The following KSR2 variants were observed in gnomAD, a reference collection of about 807,000 sequenced individuals.
The protein encoded by KSR2 is kinase suppressor of ras 2.
KSR2 carries 25 observed loss-of-function variants against 107.8 expected under a neutral mutation model. The ratio of observed to expected loss-of-function variants is 0.23; its 90% confidence interval spans 0.17 to 0.32. The LOEUF is 0.32. Among genes scored for constraint, KSR2 ranks in the 10% least tolerant of loss-of-function variants. The pLI is 1.00. For missense variants in KSR2, 887 were observed against 1,268.9 expected, an observed-to-expected ratio of 0.70 and a Z score of 4.57; for synonymous variants, 480 against 507.0, an observed-to-expected ratio of 0.95 and a Z score of 0.71.
At chr12:117,650,134 G>T (rs1261114877) in intron 5 of KSR2, among the ~76,000 whole-genome samples, 13 of 152,204 alleles carry the variant, frequency 8.5e-5, no homozygotes. Context: ...GGGGAAAGCA[G>T]ATCCACCCTT....
At chr12:117,821,783 C>T (rs564162643) in intron 3 of KSR2, among the ~76,000 whole-genome samples, 1 of 152,234 alleles carries the variant, frequency 6.6e-6, no homozygotes, top group East Asian at 1.9e-4. Context: ...AGGGACATAG[C>T]GCTGAACAAA....
intron 5 of KSR2, among the ~76,000 whole-genome samples, chr12:117,632,285 C>T (rs1333352151): frequency 7.9e-6 from 1 of 126,490 alleles, no homozygotes; most frequent in Admixed American, 1.0e-4. Context: ...AGTGCAGTGG[C>T]GCAATCTTGG....
intron 9 of KSR2, 108 bp downstream of exon 9, chr12:117,555,061 C>A (rs986956500): frequency 7.4e-7 from 1 of 1,351,720 alleles, no homozygotes; most frequent in African/African-American, 1.4e-5. Context: ...GGAGCCGAGA[C>A]GGGCTAGGAG....
At chr12:117,536,274 A>G (rs1876048450) in intron 10 of KSR2, among the ~76,000 whole-genome samples, 1 of 152,214 alleles carries the variant, frequency 6.6e-6, no homozygotes. Context: ...TTTCATCAAC[A>G]GAAGCTCCCA....
intron 3 of KSR2, among the ~76,000 whole-genome samples, chr12:117,844,950 T>C (rs563404373): frequency 6.6e-6 from 1 of 152,198 alleles, no homozygotes; most frequent in South Asian, 2.1e-4. Context: ...ATCGAGACCA[T>C]CCTGGTGAAC....
chr12:117,538,532 A>T (rs1876215379), intron 10 of KSR2, among the ~76,000 whole-genome samples: 1 of 152,070 alleles, frequency 6.6e-6, no homozygotes, highest in Non-Finnish European at 1.5e-5. Flanking sequence ...AACTGTGGCC[A>T]AGGACCTGGG....
intron 4 of KSR2, among the ~76,000 whole-genome samples, chr12:117,694,534 C>G (rs1885968511): frequency 6.6e-6 from 1 of 152,122 alleles, no homozygotes; most frequent in Admixed American, 6.5e-5. Context: ...ACTGATACCC[C>G]ATATGATCCA....
chr12:117,642,847 G>A (rs1004326008), intron 5 of KSR2, among the ~76,000 whole-genome samples: 1 of 152,144 alleles, frequency 6.6e-6, no homozygotes, highest in Non-Finnish European at 1.5e-5. Flanking sequence ...GTTTTAAGGA[G>A]GAGGTGTCTC....
chr12:117,894,117 G>A (rs1268983097), intron 1 of KSR2, among the ~76,000 whole-genome samples: 1 of 152,072 alleles, frequency 6.6e-6, no homozygotes, highest in Non-Finnish European at 1.5e-5. Flanking sequence ...CACCGTGTTA[G>A]CAAGGATGGT....
intron 1 of KSR2, among the ~76,000 whole-genome samples, chr12:117,898,995 T>A (rs1894599682): frequency 6.6e-6 from 1 of 152,218 alleles, no homozygotes; most frequent in Non-Finnish European, 1.5e-5. Context: ...CTCTTTAGAC[T>A]GTTTATTTAA....
intron 5 of KSR2, among the ~76,000 whole-genome samples, chr12:117,632,486 A>C (rs1882856482): frequency 6.6e-6 from 1 of 152,028 alleles, no homozygotes; most frequent in African/African-American, 2.4e-5. Context: ...TCGGCCTCCC[A>C]AAGTGCTGGG....
intron 9 of KSR2, among the ~76,000 whole-genome samples, chr12:117,553,578 C>A (rs1877456428): frequency 6.6e-6 from 1 of 152,106 alleles, no homozygotes; most frequent in Admixed American, 6.5e-5. Context: ...TCAGTGCCCT[C>A]CCGATCCTTG....
At chr12:117,586,870 A>G (rs1880032649) in intron 5 of KSR2, among the ~76,000 whole-genome samples, 1 of 152,234 alleles carries the variant, frequency 6.6e-6, no homozygotes, top group African/African-American at 2.4e-5. Context: ...ATGCCAGAAC[A>G]GGGATTTTTA....
At chr12:117,906,225 C>A (rs1460758131) in intron 1 of KSR2, among the ~76,000 whole-genome samples, 1 of 151,860 alleles carries the variant, frequency 6.6e-6, no homozygotes, top group Non-Finnish European at 1.5e-5. Flanking sequence ...TGGTGGTGGG[C>A]ACCTGTAATC....
rs563040939 is a variant in KSR2 at position 117,487,431 on chromosome 12, A to G, written c.2220-1740T>C. 7.9e-5 allele frequency among the ~76,000 whole-genome samples: 12 copies of G among 152,332 alleles called. No homozygotes were observed. The South Asian group carries it at 2.5e-3, about 32-fold the overall frequency. Reference sequence around the variant, plus strand: ...GGAGGTCACCCAGCCAGTTGGCAGGAGGCAGCCCAGAATGAGTCAGGGCTG... The same window carrying G: ...GGAGGTCACCCAGCCAGTTGGCAGGGGGCAGCCCAGAATGAGTCAGGGCTG... On this transcript the variant is annotated intron_variant, in intron 14 of 19. Coordinates refer to ENST00000339824, the MANE Select transcript of KSR2 (RefSeq NM_173598.6).
At chr12:117,543,674 C>T (rs1876655602) in intron 9 of KSR2, among the ~76,000 whole-genome samples, 1 of 152,164 alleles carries the variant, frequency 6.6e-6, no homozygotes, top group South Asian at 2.1e-4. Context: ...AATCCATGAA[C>T]ATGGTATGGG....
chr12:117,626,723 G>C (rs1005840189), intron 5 of KSR2, among the ~76,000 whole-genome samples: 18 of 152,136 alleles, frequency 1.2e-4, no homozygotes, highest in African/African-American at 4.3e-4. Flanking sequence ...TATTTGGCCT[G>C]CTTGTTGCAG....
In KSR2 at chr12:117,465,098, G is replaced by A. The variant is rs942927409; in HGVS notation, c.*2101C>T. On this transcript the variant is annotated 3_prime_UTR_variant, in exon 20 of 20. Coordinates refer to ENST00000339824, the MANE Select transcript of KSR2 (RefSeq NM_173598.6). ...GGACTGGAGCCTGTGGACCCAAGAA[G>A]TCCTGGTGTGATGGAAGAGAAGTGA... The A allele has an allele frequency of 1.3e-5, 2 of 152,252 alleles. No individual in the cohort carries two copies. Among genetic ancestry groups the A allele is most frequent in the African/African-American group, 4.8e-5 (2 of 41,428 alleles). The allele number at this position is 152,252 out of a possible 1,614,324, so 9.4% of individuals were successfully genotyped here. A position where few individuals can be genotyped will look rare whatever the true frequency, so the allele number is the denominator to read the frequency against.
intron 5 of KSR2, among the ~76,000 whole-genome samples, chr12:117,653,304 T>C (rs1304045358): frequency 6.6e-6 from 1 of 152,262 alleles, no homozygotes; most frequent in Non-Finnish European, 1.5e-5. Flanking sequence ...TATGCAGCCA[T>C]TGACTTGGCA....
Sources: gnomAD v4.1 joint callset for allele counts (sites outside exome capture counted in the v4.1 genomes callset) on GRCh38, gnomAD v4.1.1 for gene constraint, MANE v1.5 for transcripts, NCBI Gene and HGNC (gene_info 2026-07-23, HGNC 2026-07-21) for gene names.